FAM114A2: variants seen among roughly 807,000 people sequenced by gnomAD.
FAM114A2 encodes protein FAM114A2.
In FAM114A2, 53 loss-of-function variants were observed where a neutral mutation model predicts 58.4. The observed-to-expected ratio is 0.91, with a 90% CI of 0.73 to 1.14. FAM114A2 has a LOEUF of 1.14. FAM114A2 is among the 50% of genes most tolerant of loss of function. FAM114A2 has a pLI of 0.00. For synonymous variants in FAM114A2, 228 were observed against 211.4 expected (o/e 1.08, Z -0.68); for missense variants, 601 against 581.1 (o/e 1.03, Z -0.35).
chr5:154,011,569 G>T (rs1230507675), intron 8 of FAM114A2, among the ~76,000 whole-genome samples: 2 of 152,170 alleles, frequency 1.3e-5, no homozygotes, highest in African/African-American at 2.4e-5. Flanking sequence ...AGTGATAAAG[G>T]CTTGAAGACA....
At chr5:153,999,986 TAC>T (rs1003011091) in intron 11 of FAM114A2, among the ~76,000 whole-genome samples, 2 of 152,104 alleles carry the variant, frequency 1.3e-5, no homozygotes, top group Non-Finnish European at 2.9e-5. Context: ...TATATGTGTA[TAC>T]ACACACACAT....
In FAM114A2 at chr5:154,011,329, C is replaced by A. The variant is rs762497570; in HGVS notation, c.914-9G>T. ...GGTAAAATCTTCATCCCCTAAAAAA[C>A]CAAGTCCCATATAAAACACTCCAGA... On this transcript the variant is annotated splice_polypyrimidine_tract_variant and intron_variant, in intron 8 of 13. Transcript: ENST00000351797. The A allele has an allele frequency of 4.4e-5, 71 of 1,605,520 alleles. No individual in the cohort carries two copies. The highest frequency in any genetic ancestry group is 6.0e-5 in the Non-Finnish European group (71 of 1,173,564).
chr5:154,027,276 TC>T lies in FAM114A2; in HGVS notation c.688del (p.Glu230LysfsTer21). 1 of 1,613,710 alleles carries T rather than the reference TC, an allele frequency of 6.2e-7. No homozygotes were observed. The highest frequency in any genetic ancestry group is 8.5e-7 in the Non-Finnish European group (1 of 1,179,712). On this transcript the variant is annotated frameshift_variant, in exon 7 of 14. Coordinates refer to ENST00000351797, the MANE Select transcript of FAM114A2 (RefSeq NM_018691.4). LOFTEE classifies it high-confidence loss of function. ...EIRTSNEVTV[E>X]TDKKTHYGLL... ...CCCATAATGAGTTTTCTTGTCTGTT[TC>T]CACGGTAACCTCATTGGAGGTCCGT...
At chr5:153,993,757 C>T (rs560851946) in intron 13 of FAM114A2, among the ~76,000 whole-genome samples, 7 of 151,858 alleles carry the variant, frequency 4.6e-5, no homozygotes, top group South Asian at 2.1e-4. Flanking sequence ...TGTATAATTT[C>T]GAAGACAAGA....
At chr5:154,030,412 C>A (rs978864743) in intron 4 of FAM114A2, among the ~76,000 whole-genome samples, 3 of 152,214 alleles carry the variant, frequency 2.0e-5, no homozygotes, top group African/African-American at 7.2e-5. Flanking sequence ...TTAGATATGA[C>A]CTCCTGCCAC....
At chr5:154,018,370 A>G (rs1024122601) in intron 8 of FAM114A2, among the ~76,000 whole-genome samples, 4 of 152,316 alleles carry the variant, frequency 2.6e-5, no homozygotes, top group Admixed American at 2.6e-4. Flanking sequence ...GAAGAATTAG[A>G]TACCCTGAAC....
intron 8 of FAM114A2, among the ~76,000 whole-genome samples, chr5:154,022,386 T>G (rs1771478549): frequency 6.6e-6 from 1 of 152,110 alleles, no homozygotes; most frequent in Admixed American, 6.5e-5. Flanking sequence ...AATCTACCCA[T>G]CTGACAAAGG....
chr5:154,024,634 C>A lies in FAM114A2; in HGVS notation c.913+1765G>T, dbSNP rs186378683. Among the ~76,000 whole-genome samples the A allele has an allele frequency of 1.0e-3, 152 of 152,118 alleles. 3 individuals carry two copies. In the East Asian group the frequency reaches 0.026, roughly 26 times the overall value. Reference sequence around the variant, plus strand: ...AGATCATTATTAATATTCTTTAATACCACATTAAAACTCAACAAGTGGTCG... The same window carrying A: ...AGATCATTATTAATATTCTTTAATAACACATTAAAACTCAACAAGTGGTCG... On this transcript the variant is annotated intron_variant, in intron 8 of 13. Coordinates refer to ENST00000351797, the MANE Select transcript of FAM114A2 (RefSeq NM_018691.4).
intron 8 of FAM114A2, among the ~76,000 whole-genome samples, chr5:154,016,402 T>C (rs1319695512): frequency 6.6e-6 from 1 of 152,132 alleles, no homozygotes; most frequent in African/African-American, 2.4e-5. Context: ...ACCTATCAGA[T>C]TAACAGCAGA....
intron 5 of FAM114A2, 29 bp from the exon 6 acceptor site, chr5:154,028,312 C>A: frequency 6.8e-7 from 1 of 1,476,866 alleles, no homozygotes; most frequent in Non-Finnish European, 9.2e-7. Context: ...CTCATTACAA[C>A]AATATTAAGA....
chr5:154,006,114 G>A (rs997242372), intron 9 of FAM114A2, among the ~76,000 whole-genome samples: 1 of 152,144 alleles, frequency 6.6e-6, no homozygotes, highest in East Asian at 1.9e-4. Flanking sequence ...ACTATATAAA[G>A]GCTTGGAAAC....
chr5:154,031,010 C>A (rs1772154867), intron 4 of FAM114A2, among the ~76,000 whole-genome samples: 1 of 152,072 alleles, frequency 6.6e-6, no homozygotes, highest in African/African-American at 2.4e-5. Flanking sequence ...TCACCCTAAA[C>A]AAGCTTTACA....
intron 11 of FAM114A2, 38 bp downstream of exon 11, chr5:154,002,213 C>G: frequency 6.3e-7 from 1 of 1,593,538 alleles, no homozygotes; most frequent in Non-Finnish European, 8.6e-7. Flanking sequence ...AAAACTCCTG[C>G]AATTTGCATC....
At chr5:154,023,908 G>A (rs998363625) in intron 8 of FAM114A2, among the ~76,000 whole-genome samples, 1 of 152,134 alleles carries the variant, frequency 6.6e-6, no homozygotes, top group Non-Finnish European at 1.5e-5. Flanking sequence ...GTCCCTGTTT[G>A]TAGAGAATCC....
rs531930063 is a variant in FAM114A2 at position 154,006,867 on chromosome 5, G to A, written c.994-3898C>T. ...GCTGGAGTGCAGTGGCATGATCTCA[G>A]CTCACTGCAACCTCTGCCACACTGG... On this transcript the variant is annotated intron_variant, in intron 9 of 13. Transcript: ENST00000351797. Among the ~76,000 whole-genome samples, 23 of 149,510 alleles carry A rather than the reference G, an allele frequency of 1.5e-4. No homozygotes were observed. In the East Asian group the frequency reaches 3.6e-3, roughly 23 times the overall value.
At chr5:154,033,297 T>C (rs1044870614) in intron 4 of FAM114A2, among the ~76,000 whole-genome samples, 10 of 152,244 alleles carry the variant, frequency 6.6e-5, no homozygotes, top group African/African-American at 2.4e-4. Flanking sequence ...TTTCTGGTTA[T>C]AATTCTAGCC....
chr5:154,029,509 A>G lies in FAM114A2; in HGVS notation c.475T>C (p.Ser159Pro), dbSNP rs1374466646. 1 of 1,606,268 alleles carries G rather than the reference A, an allele frequency of 6.2e-7. No homozygotes were observed. Among genetic ancestry groups the G allele is most frequent in the African/African-American group, 1.3e-5 (1 of 74,742 alleles). ...AGAFGVFSTI[S>P]TAVQSTGKSV... ...CTTACTGTGCTCTGAACAGCAGTAGAGATGGTAGAGAATACACCAAATGCC... is the reference window on the plus strand; with the variant it reads ...CTTACTGTGCTCTGAACAGCAGTAGGGATGGTAGAGAATACACCAAATGCC... Residue 159 changes from serine to proline, a missense_variant, in exon 5 of 14, where the codon TCT becomes CCT. Physicochemically the swap from Ser to Pro is moderately conservative, Grantham distance 74. Coordinates refer to ENST00000351797, the MANE Select transcript of FAM114A2 (RefSeq NM_018691.4).
At chr5:154,000,840 C>A (rs955471966) in intron 11 of FAM114A2, among the ~76,000 whole-genome samples, 1 of 151,840 alleles carries the variant, frequency 6.6e-6, no homozygotes, top group African/African-American at 2.4e-5. Context: ...CTCAAAATAC[C>A]CTACATTCCA....
Position 153,990,802 on chromosome 5 carries a change from C to T in FAM114A2, c.*2174G>A, listed in dbSNP as rs995790642. On this transcript the variant is annotated 3_prime_UTR_variant, in exon 14 of 14. Coordinates refer to ENST00000351797, the MANE Select transcript of FAM114A2 (RefSeq NM_018691.4). The stretch of plus-strand genomic sequence containing the variant: ...CCAAAAATTTAAAAGGAAAATAGTA[C>T]CAAAAGTGTAGCTGTTAACAAAAAA... 4.0e-4 allele frequency: 61 copies of T among 152,140 alleles called. 1 individual carries two copies. Among genetic ancestry groups the T allele is most frequent in the African/African-American group, 1.4e-3 (60 of 41,518 alleles). The allele number at this position is 152,140 out of a possible 1,614,324, so 9.4% of individuals were successfully genotyped here. A position where few individuals can be genotyped will look rare whatever the true frequency, so the allele number is the denominator to read the frequency against.
Sources: gnomAD v4.1 joint callset for allele counts (sites outside exome capture counted in the v4.1 genomes callset) on GRCh38, gnomAD v4.1.1 for gene constraint, MANE v1.5 for transcripts, NCBI Gene and HGNC (gene_info 2026-07-23, HGNC 2026-07-21) for gene names.